KIF26B: variants seen among roughly 807,000 people sequenced by gnomAD.
KIF26B encodes kinesin-like protein KIF26B.
Under a neutral mutation model 151.2 loss-of-function variants are expected in KIF26B, and 63 were observed. That is an observed-to-expected ratio of 0.42 (90% CI 0.34 to 0.51). The LOEUF (loss-of-function observed/expected upper bound fraction) is 0.51. Among genes scored for constraint, KIF26B ranks in the 20% least tolerant of loss-of-function variants. The pLI is 0.07. For missense variants in KIF26B, 2,813 were observed against 2,913.6 expected, an observed-to-expected ratio of 0.97 and a Z score of 0.79; for synonymous variants, 1,357 against 1,262.1, an observed-to-expected ratio of 1.08 and a Z score of -1.59.
intron 9 of KIF26B, among the ~76,000 whole-genome samples, chr1:245,639,348 G>A (rs143771817): frequency 8.0e-4 from 122 of 151,748 alleles, no homozygotes; most frequent in African/African-American, 2.9e-3. Flanking sequence ...ATTTTATTTA[G>A]TTGGGTCTTC....
chr1:245,614,765 C>T (rs143161832), intron 9 of KIF26B: 17 of 152,358 alleles, frequency 1.1e-4, no homozygotes, highest in African/African-American at 2.9e-4. Flanking sequence ...GGATAGTGAA[C>T]GGGAATCTCT....
chr1:245,417,124 G>T (rs1487766133), intron 3 of KIF26B, among the ~76,000 whole-genome samples: 1 of 152,120 alleles, frequency 6.6e-6, no homozygotes, highest in Non-Finnish European at 1.5e-5. Flanking sequence ...AGCAGGAAAG[G>T]CAGCGTGACT....
At chr1:245,594,429 C>G (rs1246892444) in intron 5 of KIF26B, among the ~76,000 whole-genome samples, 1 of 152,112 alleles carries the variant, frequency 6.6e-6, no homozygotes, top group African/African-American at 2.4e-5. Context: ...ATAGGGAATC[C>G]TTTCCCCATT....
chr1:245,467,218 G>C (rs1335857263), intron 4 of KIF26B, among the ~76,000 whole-genome samples: 1 of 152,110 alleles, frequency 6.6e-6, no homozygotes, highest in Non-Finnish European at 1.5e-5. Context: ...TTAACTCTTA[G>C]GCATTTATAC....
chr1:245,497,314 A>G (rs1372133159), intron 4 of KIF26B, among the ~76,000 whole-genome samples: 1 of 152,222 alleles, frequency 6.6e-6, no homozygotes, highest in African/African-American at 2.4e-5. Flanking sequence ...AGGAGAGAAG[A>G]TCTGAATCTC....
At position 245,241,983 on chromosome 1, in the gene KIF26B, T is replaced by C. The variant is rs769359446; in HGVS notation, c.465+85300T>C. ...CTCACGCCTTCTAGATCCTCTGTGC[T>C]TTTCATCACACTATTTCCTCTGCCT... On this transcript the variant is annotated intron_variant, in intron 2 of 14. Transcript: ENST00000407071. This position sits in a 1 kb window ranked among gnomAD's most constrained non-coding sequence, Gnocchi z 5.0. Among the ~76,000 whole-genome samples, 2 of 152,230 alleles carry C rather than the reference T, an allele frequency of 1.3e-5. No individual in the cohort carries two copies. The highest frequency in any genetic ancestry group is 2.9e-5 in the Non-Finnish European group (2 of 68,038).
intron 2 of KIF26B, among the ~76,000 whole-genome samples, chr1:245,289,304 A>C (rs1365415513): frequency 2.0e-5 from 3 of 152,228 alleles, no homozygotes; most frequent in Non-Finnish European, 4.4e-5. Flanking sequence ...CAAAGAAATT[A>C]CCGGCATGCT....
chr1:245,367,601 G>A lies in KIF26B; in HGVS notation c.999+234G>A, dbSNP rs1672993772. 6.6e-6 allele frequency among the ~76,000 whole-genome samples: 1 copy of A among 152,236 alleles called. No individual in the cohort carries two copies. Among genetic ancestry groups the A allele is most frequent in the South Asian group, 2.1e-4 (1 of 4,832 alleles). Reference sequence around the variant, plus strand: ...ACCTGCCCTTTCTCTGCTCTTCAGTGTCTCCTTCCTGAGAGACCCTCTTTG... The same window carrying A: ...ACCTGCCCTTTCTCTGCTCTTCAGTATCTCCTTCCTGAGAGACCCTCTTTG... On this transcript the variant is annotated intron_variant, in intron 3 of 14. Coordinates refer to ENST00000407071, the MANE Select transcript of KIF26B (RefSeq NM_018012.4). This position sits in a 1 kb window ranked among gnomAD's most constrained non-coding sequence, Gnocchi z 4.2.
At chr1:245,324,465 C>G (rs915580347) in intron 2 of KIF26B, among the ~76,000 whole-genome samples, 2 of 152,308 alleles carry the variant, frequency 1.3e-5, no homozygotes, top group South Asian at 2.1e-4. Flanking sequence ...CATGGAAATG[C>G]TCTGCCAGAG....
In KIF26B at chr1:245,569,997, A is replaced by G. The variant is rs1208874996; in HGVS notation, c.1350+29047A>G. Among the ~76,000 whole-genome samples the G allele has an allele frequency of 7.4e-5, 9 of 121,804 alleles. No homozygotes were observed. The East Asian group carries it at 1.1e-3, about 16-fold the overall frequency. 79.9% of individuals were successfully genotyped at this position (121,804 alleles called of 152,430 possible). ...GTCGCCCAGGCTGGAGTGCAGTGGCATGATCTCAGCTCACTGCAAGCTCCG... is the reference window on the plus strand; with the variant it reads ...GTCGCCCAGGCTGGAGTGCAGTGGCGTGATCTCAGCTCACTGCAAGCTCCG... On this transcript the variant is annotated intron_variant, in intron 5 of 14. Coordinates refer to ENST00000407071, the MANE Select transcript of KIF26B (RefSeq NM_018012.4).
chr1:245,665,479 C>A (rs2044202470), intron 10 of KIF26B, among the ~76,000 whole-genome samples: 1 of 152,136 alleles, frequency 6.6e-6, no homozygotes, highest in Non-Finnish European at 1.5e-5. Context: ...AAAGAGAGAA[C>A]CGCACACTCT....
intron 2 of KIF26B, among the ~76,000 whole-genome samples, chr1:245,198,163 G>T (rs1669225988): frequency 6.6e-6 from 1 of 152,164 alleles, no homozygotes; most frequent in South Asian, 2.1e-4. Context: ...ATACAGTGGT[G>T]AGCAAAACAG....
At position 245,563,141 on chromosome 1, in the gene KIF26B, T is replaced by C. The variant is rs68157919; in HGVS notation, c.1350+22191T>C. On this transcript the variant is annotated intron_variant, in intron 5 of 14. Transcript: ENST00000407071. This position sits in a 1 kb window ranked among gnomAD's most constrained non-coding sequence, Gnocchi z 4.6. The stretch of plus-strand genomic sequence containing the variant: ...AGTCAATGATTCTGAAATGAGTCTA[T>C]TGAAGGTGGAAACCAGCACAATTCA... 0.15 allele frequency among the ~76,000 whole-genome samples: 22,812 copies of C among 152,188 alleles called. 1,940 individuals are homozygous for C. Among genetic ancestry groups the C allele is most frequent in the Non-Finnish European group, 0.19 (13,016 of 68,006 alleles).
chr1:245,326,949 T>C (rs1205188549), intron 2 of KIF26B, among the ~76,000 whole-genome samples: 1 of 152,184 alleles, frequency 6.6e-6, no homozygotes, highest in African/African-American at 2.4e-5. Flanking sequence ...TCTCTCAGTC[T>C]TTGTTTCCTA....
intron 3 of KIF26B, among the ~76,000 whole-genome samples, chr1:245,408,189 A>G (rs527569778): frequency 6.6e-6 from 1 of 152,272 alleles, no homozygotes; most frequent in East Asian, 1.9e-4. Flanking sequence ...GCTGAGTTGC[A>G]AATTGAAAGT....
intron 5 of KIF26B, among the ~76,000 whole-genome samples, chr1:245,544,396 AT>A (rs2103105075): frequency 6.6e-6 from 1 of 152,276 alleles, no homozygotes; most frequent in South Asian, 2.1e-4. Flanking sequence ...AACGCTTGAG[AT>A]GGCCCTGAAG....
At chr1:245,284,704 C>T (rs1391273060) in intron 2 of KIF26B, among the ~76,000 whole-genome samples, 2 of 152,214 alleles carry the variant, frequency 1.3e-5, no homozygotes, top group East Asian at 1.9e-4. Flanking sequence ...ATCTTTTGCC[C>T]TAATGTGGTG....
At chr1:245,520,607 CCCACCCATCCATCCATCCATCCAT>C (rs1661078770) in intron 4 of KIF26B, among the ~76,000 whole-genome samples, 1 of 107,494 alleles carries the variant, frequency 9.3e-6, no homozygotes, top group African/African-American at 3.3e-5. Flanking sequence ...CATCCACCCA[CCCACCCATCCATCCATCCATCCAT>C]CCATCCATCC....
intron 2 of KIF26B, among the ~76,000 whole-genome samples, chr1:245,183,948 A>T (rs184573338): frequency 6.6e-6 from 1 of 150,876 alleles, no homozygotes; most frequent in African/African-American, 2.4e-5. Context: ...TAGTTATTTG[A>T]TGAAGCCATC....
Sources: allele counts gnomAD v4.1 joint callset (sites outside exome capture counted in the v4.1 genomes callset), GRCh38; gene constraint gnomAD v4.1.1; non-coding constraint Gnocchi (gnomAD v3.1); transcripts MANE v1.5; gene names NCBI Gene and HGNC (gene_info 2026-07-23, HGNC 2026-07-21).